The following ESF1 variants were observed in gnomAD, a reference collection of about 807,000 sequenced individuals.
ESF1 encodes ESF1 homolog.
In ESF1, 58 loss-of-function variants were observed where a neutral mutation model predicts 92.0. The ratio of observed to expected loss-of-function variants is 0.63; its 90% CI spans 0.51 to 0.78. The LOEUF is 0.78. ESF1 is among the 30% of genes least tolerant of loss of function. The pLI, the probability that ESF1 is intolerant of heterozygous loss-of-function variation, is 0.00. For synonymous variants in ESF1, 321 were observed against 313.7 expected (o/e 1.02, Z -0.24); for missense variants, 922 against 989.1 (o/e 0.93, Z 0.91).
At chr20:13,756,636 G>A (rs1035899493) in intron 9 of ESF1, among the ~76,000 whole-genome samples, 2 of 152,220 alleles carry the variant, frequency 1.3e-5, no homozygotes, top group East Asian at 3.8e-4. Context: ...TGGCATCTGG[G>A]ATTTAACATT....
chr20:13,773,508 T>C (rs531336801), intron 4 of ESF1, among the ~76,000 whole-genome samples: 2 of 152,282 alleles, frequency 1.3e-5, no homozygotes, highest in South Asian at 2.1e-4. Flanking sequence ...TCATCTAGAA[T>C]TTCGCTGGAG....
intron 11 of ESF1, among the ~76,000 whole-genome samples, chr20:13,719,502 A>G (rs62209172): frequency 0.064 from 9,750 of 152,222 alleles, 502 homozygotes; most frequent in South Asian, 0.19. Context: ...ATGAAACAGT[A>G]TATAATAAAA....
In ESF1 at chr20:13,782,831, C is replaced by T; in HGVS notation, c.310G>A (p.Glu104Lys). The change falls in exon 2 of 14, where the codon GAA (glutamate) becomes AAA (lysine). Residue 104 changes from glutamate (E) to lysine (K), a missense_variant. Physicochemically the swap from Glu to Lys is moderately conservative, Grantham distance 56. Transcript: ENST00000617257. ...TCAACTAGATTTTTTGAATCGATTT[C>T]TTTTTTAGTCTGGGTTTTTTTCTTC... The part of the protein sequence containing the change: ...IKKKKTQTKK[E>K]IDSKNLVEKK... The T allele has an allele frequency of 6.2e-7, 1 of 1,603,756 alleles. No homozygotes were observed. Among genetic ancestry groups the T allele is most frequent in the Non-Finnish European group, 8.5e-7 (1 of 1,177,792 alleles).
rs531923736 is a variant in ESF1 at position 13,767,884 on chromosome 20, A to G, written c.1519-960T>C. Among the ~76,000 whole-genome samples the G allele has an allele frequency of 1.6e-3, 243 of 152,268 alleles. 1 individual carries two copies. Among genetic ancestry groups the G allele is most frequent in the African/African-American group, 5.8e-3 (240 of 41,546 alleles). On this transcript the variant is annotated intron_variant, in intron 7 of 13. Transcript: ENST00000617257. ...TTAAGAGATCCTTAAAATCACTGCC[A>G]CCTGTCTCAGAAATTCCAGCTAGTC...
At chr20:13,748,033 C>T (rs1374548350) in intron 9 of ESF1, among the ~76,000 whole-genome samples, 1 of 152,184 alleles carries the variant, frequency 6.6e-6, no homozygotes, top group Admixed American at 6.5e-5. Context: ...TATGACAGCA[C>T]TAGTTGATAA....
At chr20:13,748,457 T>TACATATATAC (rs1214754917) in intron 9 of ESF1, among the ~76,000 whole-genome samples, 2 of 72,592 alleles carry the variant, frequency 2.8e-5, no homozygotes, top group Non-Finnish European at 6.0e-5. Flanking sequence ...TACATATATA[T>TACATATATAC]ACATATATAC....
intron 8 of ESF1, among the ~76,000 whole-genome samples, chr20:13,761,879 C>G (rs1274385392): frequency 1.3e-5 from 2 of 152,122 alleles, no homozygotes; most frequent in Admixed American, 1.3e-4. Flanking sequence ...GGTTTTAATG[C>G]AAAACATACA....
intron 11 of ESF1, among the ~76,000 whole-genome samples, chr20:13,724,240 A>G (rs1010258906): frequency 1.4e-4 from 21 of 152,220 alleles, no homozygotes; most frequent in African/African-American, 4.3e-4. Context: ...GGCTGTGGTG[A>G]GCAGATACTA....
intron 9 of ESF1, among the ~76,000 whole-genome samples, chr20:13,758,696 G>T (rs888403904): frequency 6.6e-6 from 1 of 152,080 alleles, no homozygotes; most frequent in Non-Finnish European, 1.5e-5. Context: ...ACTAATATAG[G>T]CTAAAGAACT....
intron 9 of ESF1, among the ~76,000 whole-genome samples, chr20:13,734,134 GTA>G: frequency 6.6e-6 from 1 of 152,236 alleles, no homozygotes; most frequent in Non-Finnish European, 1.5e-5. Flanking sequence ...GAAAAATACT[GTA>G]TTTAGGCTCA....
chr20:13,771,387 A>C lies in ESF1; in HGVS notation c.1347T>G (p.Ile449Met). 1 of 1,612,984 alleles carries C rather than the reference A, an allele frequency of 6.2e-7. No individual in the cohort carries two copies. Among genetic ancestry groups the C allele is most frequent in the Non-Finnish European group, 8.5e-7 (1 of 1,179,684 alleles). ...DCDSPETASKIYEDCDGLEFE... is the reference protein window; with the variant it reads ...DCDSPETASKMYEDCDGLEFE... ...ATTCCAGGCCATCACAATCCTCATAAATTTTACTAGCTGTTTCCGGAGAAT... is the reference window on the plus strand; with the variant it reads ...ATTCCAGGCCATCACAATCCTCATACATTTTACTAGCTGTTTCCGGAGAAT... The change falls in exon 6 of 14, where the codon ATT becomes ATG. Residue 449 changes from isoleucine (I) to methionine (M), a missense_variant. Coordinates refer to ENST00000617257, the MANE Select transcript of ESF1 (RefSeq NM_001276380.2).
At chr20:13,729,001 G>A (rs1465974098) in intron 10 of ESF1, among the ~76,000 whole-genome samples, 4 of 152,144 alleles carry the variant, frequency 2.6e-5, no homozygotes, top group Non-Finnish European at 5.9e-5. Context: ...ACTCATGTCT[G>A]TAATCCCAGC....
chr20:13,783,357 A>G (rs1999114), intron 1 of ESF1, among the ~76,000 whole-genome samples, 174 bp from the exon 2 acceptor site: 23,347 of 152,242 alleles, frequency 0.15, 2,264 homozygotes, highest in East Asian at 0.42. Flanking sequence ...CATGCAAAAA[A>G]GCAGAAACAT....
chr20:13,777,671 T>G (rs1189940538), intron 2 of ESF1, among the ~76,000 whole-genome samples: 1 of 152,216 alleles, frequency 6.6e-6, no homozygotes, highest in Non-Finnish European at 1.5e-5. Context: ...AGACTGTTTT[T>G]GCTTAAGATG....
intron 9 of ESF1, among the ~76,000 whole-genome samples, chr20:13,756,845 G>A (rs74974212): frequency 1.3e-5 from 2 of 152,132 alleles, no homozygotes. Flanking sequence ...TCTAGGCTGG[G>A]AGAGATGAAA....
intron 13 of ESF1, 78 bp downstream of exon 13, chr20:13,717,290 A>G: frequency 6.5e-7 from 1 of 1,540,682 alleles, no homozygotes; most frequent in Non-Finnish European, 8.9e-7. Context: ...AACTTTGACT[A>G]TGCTCAATTT....
At chr20:13,750,284 C>A (rs371085729) in intron 9 of ESF1, among the ~76,000 whole-genome samples, 2 of 152,156 alleles carry the variant, frequency 1.3e-5, no homozygotes, top group Non-Finnish European at 2.9e-5. Flanking sequence ...GTGGGTGGAT[C>A]GCCTGAAGTC....
rs549925823 is a variant in ESF1 at position 13,743,919 on chromosome 20, A to T, written c.1829-10077T>A. ...CAATCTTTGTCAATTAAATATTTTT[A>T]AAAAACTATATACAATGGAAAGTAA... On this transcript the variant is annotated intron_variant, in intron 9 of 13. Coordinates refer to ENST00000617257, the MANE Select transcript of ESF1 (RefSeq NM_001276380.2). Among the ~76,000 whole-genome samples, 245 of 152,364 alleles carry T rather than the reference A, an allele frequency of 1.6e-3. 1 individual carries two copies. Among genetic ancestry groups the T allele is most frequent in the Non-Finnish European group, 1.9e-3 (128 of 68,028 alleles).
At chr20:13,751,558 T>A (rs1978634542) in intron 9 of ESF1, among the ~76,000 whole-genome samples, 1 of 152,154 alleles carries the variant, frequency 6.6e-6, no homozygotes. Context: ...TTAACTGGAA[T>A]CCTGTGCAGG....
Sources: allele counts gnomAD v4.1 joint callset (sites outside exome capture counted in the v4.1 genomes callset), GRCh38; gene constraint gnomAD v4.1.1; transcripts MANE v1.5; gene names NCBI Gene and HGNC (gene_info 2026-07-23, HGNC 2026-07-21).